BCAR3: variants seen among roughly 807,000 people sequenced by gnomAD.
BCAR3 encodes breast cancer anti-estrogen resistance protein 3.
Under a neutral mutation model 80.1 loss-of-function variants are expected in BCAR3, and 37 were observed. That is an observed-to-expected ratio of 0.46 (90% CI 0.36 to 0.61). The LOEUF is 0.61. Among genes scored for constraint, BCAR3 ranks in the 20% least tolerant of loss-of-function variants. The pLI, the probability that BCAR3 is intolerant of heterozygous loss-of-function variation, is 0.00. For missense variants in BCAR3, 978 were observed against 1,068.2 expected (o/e 0.92, Z 1.18); for synonymous variants, 389 against 418.9 (o/e 0.93, Z 0.87).
chr1:93,765,584 A>G (rs1316903991), intron 2 of BCAR3, among the ~76,000 whole-genome samples: 1 of 152,036 alleles, frequency 6.6e-6, no homozygotes, highest in African/African-American at 2.4e-5. Flanking sequence ...ATCACCTCTC[A>G]AAGTTTCCTC....
chr1:93,584,107 C>G lies in BCAR3; in HGVS notation c.944G>C (p.Ser315Thr), dbSNP rs1350307820. 1 of 1,613,894 alleles carries G rather than the reference C, an allele frequency of 6.2e-7. No homozygotes were observed. Among genetic ancestry groups the G allele is most frequent in the Non-Finnish European group, 8.5e-7 (1 of 1,179,992 alleles). ...RGNLLRNKEK[S>T]GSQPACLDHM... The stretch of plus-strand genomic sequence containing the variant: ...ATCCAGGCAGGCGGGCTGGCTACCA[C>G]TCTTTTCTTTGTTTCTGAAGTAAAA... Residue 315 changes from serine (S) to threonine (T), a missense_variant, in exon 6 of 12, where the codon AGT becomes ACT. Ser to Thr is a moderately conservative substitution (Grantham distance 58). Coordinates refer to ENST00000260502, the MANE Select transcript of BCAR3 (RefSeq NM_003567.4).
chr1:93,827,559 T>TCAGCCC (rs1286520715), intron 2 of BCAR3, among the ~76,000 whole-genome samples: 2 of 152,100 alleles, frequency 1.3e-5, no homozygotes, highest in Non-Finnish European at 2.9e-5. Flanking sequence ...CCTCTCTTAT[T>TCAGCCC]CAGCCCCTAA....
chr1:93,840,017 G>A (rs1654901782), intron 2 of BCAR3, among the ~76,000 whole-genome samples: 1 of 152,078 alleles, frequency 6.6e-6, no homozygotes. Flanking sequence ...AGGGCAGAGG[G>A]CATTATTTTC....
chr1:93,767,053 T>G (rs1284107196), intron 2 of BCAR3, among the ~76,000 whole-genome samples: 3 of 152,178 alleles, frequency 2.0e-5, no homozygotes, highest in Admixed American at 2.0e-4. Flanking sequence ...CCTTTTCTAT[T>G]TAAGTAGCCA....
chr1:93,801,001 C>T (rs187562759), intron 2 of BCAR3, among the ~76,000 whole-genome samples: 426 of 152,288 alleles, frequency 2.8e-3, no homozygotes, highest in Admixed American at 8.1e-3. Context: ...CTAATGCTTT[C>T]GTTTATTCTC....
chr1:93,604,464 A>G (rs965094757), intron 3 of BCAR3, among the ~76,000 whole-genome samples: 2 of 152,234 alleles, frequency 1.3e-5, no homozygotes, highest in African/African-American at 4.8e-5. Context: ...ATGTGTGCAA[A>G]CTAAAAAGAC....
intron 3 of BCAR3, 145 bp downstream of exon 3, chr1:93,642,159 G>T: frequency 1.1e-6 from 1 of 880,410 alleles, no homozygotes; most frequent in East Asian, 2.4e-5. Context: ...AGGCCTAAGG[G>T]AGTCAAATTT....
At chr1:93,780,706 G>A (rs1164871351) in intron 2 of BCAR3, among the ~76,000 whole-genome samples, 1 of 152,068 alleles carries the variant, frequency 6.6e-6, no homozygotes, top group Non-Finnish European at 1.5e-5. Flanking sequence ...TTTTGATCTG[G>A]ACAGAAATTA....
At chr1:93,684,760 C>T (rs887647397), upstream of BCAR3, among the ~76,000 whole-genome samples, 5 of 151,772 alleles carry the variant, frequency 3.3e-5, no homozygotes, top group Non-Finnish European at 1.5e-5. Context: ...GAGACAGTCT[C>T]GCTTCTTTGC....
At chr1:93,689,171 G>C (rs1194217456) in intron 3 of BCAR3, among the ~76,000 whole-genome samples, 9 of 152,036 alleles carry the variant, frequency 5.9e-5, no homozygotes, top group Non-Finnish European at 1.2e-4. Flanking sequence ...AGTGCTGTGG[G>C]AACGCAGAGA....
At position 93,586,024 on chromosome 1, in the gene BCAR3, C is replaced by T. The variant is rs1673929553; in HGVS notation, c.930-1903G>A. On this transcript the variant is annotated intron_variant, in intron 5 of 11. Coordinates refer to ENST00000260502, the MANE Select transcript of BCAR3 (RefSeq NM_003567.4). This position sits in a 1 kb window ranked among gnomAD's most constrained non-coding sequence, Gnocchi z 4.2. ...AGTGTATCATGGAGAATGGGGTATC[C>T]ATGCCCTCTAGCATTTATCCTTTGA... Among the ~76,000 whole-genome samples the T allele has an allele frequency of 6.6e-6, 1 of 152,158 alleles. No individual in the cohort carries two copies. Among genetic ancestry groups the T allele is most frequent in the Non-Finnish European group, 1.5e-5 (1 of 68,030 alleles).
intron 2 of BCAR3, among the ~76,000 whole-genome samples, chr1:93,835,528 C>T (rs1037642571): frequency 7.2e-5 from 11 of 152,210 alleles, no homozygotes; most frequent in African/African-American, 2.7e-4. Context: ...TATCTTCTTC[C>T]AGCCTCACAG....
intron 3 of BCAR3, among the ~76,000 whole-genome samples, chr1:93,701,383 T>C (rs1649634935): frequency 6.6e-6 from 1 of 152,052 alleles, no homozygotes; most frequent in Admixed American, 6.5e-5. Flanking sequence ...GTGTCTTCCA[T>C]TGGAATGGAA....
At chr1:93,813,733 A>T (rs551914825) in intron 2 of BCAR3, among the ~76,000 whole-genome samples, 1 of 152,368 alleles carries the variant, frequency 6.6e-6, no homozygotes, top group Admixed American at 6.5e-5. Context: ...AGGAAACTTA[A>T]CATTGATACA....
chr1:93,692,716 G>C (rs1448157592), intron 3 of BCAR3, among the ~76,000 whole-genome samples: 1 of 152,224 alleles, frequency 6.6e-6, no homozygotes, highest in African/African-American at 2.4e-5. Flanking sequence ...TCATCTCCCA[G>C]TGTGAACCCT....
At chr1:93,721,058 AC>A (rs1650380588) in intron 2 of BCAR3, among the ~76,000 whole-genome samples, 1 of 152,190 alleles carries the variant, frequency 6.6e-6, no homozygotes, top group Non-Finnish European at 1.5e-5. Flanking sequence ...AATAGTGGCC[AC>A]TGGTAGCGGC....
At position 93,586,386 on chromosome 1, in the gene BCAR3, A is replaced by G. The variant is rs1673942608; in HGVS notation, c.930-2265T>C. Among the ~76,000 whole-genome samples, 1 of 152,172 alleles carries G rather than the reference A, an allele frequency of 6.6e-6. No individual in the cohort carries two copies. The highest frequency in any genetic ancestry group is 2.4e-5 in the African/African-American group (1 of 41,432). ...ACGTGGTTGCAAATAACAGGATCTC[A>G]TTGTTTTTATGGCTGAATAGTACTC... On this transcript the variant is annotated intron_variant, in intron 5 of 11. Transcript: ENST00000260502. This position sits in a 1 kb window ranked among gnomAD's most constrained non-coding sequence, Gnocchi z 4.2.
chr1:93,781,915 T>C (rs1652774732), intron 2 of BCAR3, among the ~76,000 whole-genome samples: 1 of 152,220 alleles, frequency 6.6e-6, no homozygotes, highest in Non-Finnish European at 1.5e-5. Context: ...GTTTGGGTCA[T>C]CATGACTTGA....
intron 3 of BCAR3, among the ~76,000 whole-genome samples, chr1:93,700,808 T>G (rs1477245081): frequency 1.3e-5 from 2 of 152,206 alleles, no homozygotes; most frequent in Non-Finnish European, 2.9e-5. Flanking sequence ...GAAGAAACAT[T>G]TCATCAGTGG....
Sources: allele counts gnomAD v4.1 joint callset (sites outside exome capture counted in the v4.1 genomes callset), GRCh38; gene constraint gnomAD v4.1.1; non-coding constraint Gnocchi (gnomAD v3.1); transcripts MANE v1.5; gene names NCBI Gene and HGNC (gene_info 2026-07-23, HGNC 2026-07-21).